Variants in ITGBL1 observed in about 807,000 individuals in gnomAD.
ITGBL1 encodes integrin beta-like protein 1.
In ITGBL1, 51 loss-of-function variants were observed where a neutral mutation model predicts 68.5. The ratio of observed to expected loss-of-function variants is 0.74; its 90% confidence interval spans 0.59 to 0.94. The LOEUF (loss-of-function observed/expected upper bound fraction) is 0.94. ITGBL1 is among the 40% of genes least tolerant of loss of function. The pLI is 0.00. For missense variants in ITGBL1, 649 were observed against 647.4 expected, an observed-to-expected ratio of 1.00 and a Z score of -0.03; for synonymous variants, 209 against 227.3, an observed-to-expected ratio of 0.92 and a Z score of 0.72.
rs116148583 is a variant in ITGBL1, at chr13:101,690,195, C to T, written c.1016-2390C>T. 4.3e-3 allele frequency among the ~76,000 whole-genome samples: 656 copies of T among 152,190 alleles called. 1 individual carries two copies. Among genetic ancestry groups the T allele is most frequent in the African/African-American group, 0.015 (618 of 41,534 alleles). ...TTTATCAGGAAAGAAAATGTGCCGA[C>T]GCCAGAATATTAACACTTTATTGTC... is the stretch of plus-strand genomic sequence containing the variant. On this transcript the variant is annotated intron_variant, in intron 7 of 10. Coordinates refer to ENST00000376180, the MANE Select transcript of ITGBL1 (RefSeq NM_004791.3).
chr13:101,635,342 A>G (rs2032135729), intron 7 of ITGBL1, among the ~76,000 whole-genome samples: 1 of 152,106 alleles, frequency 6.6e-6, no homozygotes. Flanking sequence ...TATCTGCATA[A>G]TAAACGAAAT....
intron 7 of ITGBL1, among the ~76,000 whole-genome samples, chr13:101,681,805 G>A (rs549672149): frequency 1.5e-4 from 23 of 151,808 alleles, no homozygotes; most frequent in Non-Finnish European, 2.7e-4. Flanking sequence ...TGTGTGTGTG[G>A]GTGTGCGCAT....
intron 6 of ITGBL1, among the ~76,000 whole-genome samples, chr13:101,595,156 A>T (rs1254078667): frequency 6.6e-6 from 1 of 152,182 alleles, no homozygotes; most frequent in African/African-American, 2.4e-5. Context: ...TACAGGAAGC[A>T]TGCCACCAGC....
intron 7 of ITGBL1, among the ~76,000 whole-genome samples, chr13:101,640,163 G>C (rs2032314952): frequency 1.3e-5 from 2 of 152,168 alleles, no homozygotes; most frequent in South Asian, 4.2e-4. Context: ...GTACACTATT[G>C]CTTTTGAGAA....
chr13:101,669,283 G>T (rs1475827597), intron 7 of ITGBL1, among the ~76,000 whole-genome samples: 1 of 151,914 alleles, frequency 6.6e-6, no homozygotes, highest in Non-Finnish European at 1.5e-5. Flanking sequence ...GTGTTTTTAG[G>T]TAAAGAAGTT....
chr13:101,679,188 G>A (rs2033581517), intron 7 of ITGBL1, among the ~76,000 whole-genome samples: 1 of 152,172 alleles, frequency 6.6e-6, no homozygotes, highest in Non-Finnish European at 1.5e-5. Context: ...TTACAGGCGT[G>A]AGCCACCGCG....
chr13:101,638,282 T>C, intron 7 of ITGBL1, among the ~76,000 whole-genome samples: 1 of 152,176 alleles, frequency 6.6e-6, no homozygotes, highest in Admixed American at 6.5e-5. Flanking sequence ...AGCATGTGCA[T>C]GACAAGTTGC....
At chr13:101,621,349 T>C (rs915242341) in intron 7 of ITGBL1, among the ~76,000 whole-genome samples, 5 of 152,272 alleles carry the variant, frequency 3.3e-5, no homozygotes, top group African/African-American at 1.2e-4. Flanking sequence ...GTGTTTCTAT[T>C]TCTGTTTATT....
intron 7 of ITGBL1, among the ~76,000 whole-genome samples, chr13:101,647,063 C>T (rs1041830493): frequency 6.6e-6 from 1 of 151,970 alleles, no homozygotes; most frequent in African/African-American, 2.4e-5. Context: ...CCATTTTAGA[C>T]AGTGAATCTA....
intron 7 of ITGBL1, among the ~76,000 whole-genome samples, chr13:101,616,208 G>C (rs1177053168): frequency 1.3e-5 from 2 of 152,168 alleles, no homozygotes; most frequent in Non-Finnish European, 1.5e-5. Flanking sequence ...TGCTCCTGGA[G>C]AAAGGGGGAA....
At chr13:101,605,661 T>C (rs2030766334) in intron 7 of ITGBL1, among the ~76,000 whole-genome samples, 1 of 151,702 alleles carries the variant, frequency 6.6e-6, no homozygotes, top group Admixed American at 6.6e-5. Flanking sequence ...TATGCACGTA[T>C]GTAGACATGT....
chr13:101,593,928 A>G (rs2050699735), intron 6 of ITGBL1, among the ~76,000 whole-genome samples: 1 of 152,104 alleles, frequency 6.6e-6, no homozygotes, highest in Non-Finnish European at 1.5e-5. Flanking sequence ...CCTTACCACA[A>G]ATGATAAATG....
intron 2 of ITGBL1, among the ~76,000 whole-genome samples, chr13:101,463,590 C>T (rs868747572): frequency 2.0e-5 from 3 of 152,228 alleles, no homozygotes; most frequent in Middle Eastern, 3.4e-3. Flanking sequence ...AACCTTTAGA[C>T]GTCTGCAGAC....
intron 2 of ITGBL1, among the ~76,000 whole-genome samples, chr13:101,480,096 G>GA (rs1224900450): frequency 1.3e-5 from 2 of 152,010 alleles, no homozygotes; most frequent in Non-Finnish European, 2.9e-5. Flanking sequence ...AACAGTTAAA[G>GA]AAAATGTGGT....
At chr13:101,672,956 G>A (rs764951412) in intron 7 of ITGBL1, among the ~76,000 whole-genome samples, 40 of 152,114 alleles carry the variant, frequency 2.6e-4, no homozygotes, top group Non-Finnish European at 4.4e-4. Context: ...TTCTAAACCC[G>A]CGTAGAATGA....
intron 2 of ITGBL1, among the ~76,000 whole-genome samples, chr13:101,542,864 G>T (rs1255698218): frequency 6.6e-6 from 1 of 152,120 alleles, no homozygotes; most frequent in Non-Finnish European, 1.5e-5. Context: ...TTTTATCAGA[G>T]ACTAGGATTG....
intron 2 of ITGBL1, among the ~76,000 whole-genome samples, chr13:101,455,230 C>T (rs919612221): frequency 1.3e-5 from 2 of 152,128 alleles, no homozygotes; most frequent in African/African-American, 2.4e-5. Context: ...ATTTTTTTCT[C>T]GGAACCTGGG....
At chr13:101,669,606 A>G (rs769876330) in intron 7 of ITGBL1, among the ~76,000 whole-genome samples, 2 of 152,190 alleles carry the variant, frequency 1.3e-5, no homozygotes, top group Non-Finnish European at 2.9e-5. Context: ...AAAGCAACAC[A>G]GTTTTCTTGG....
At chr13:101,456,567 T>C (rs2048246964) in intron 2 of ITGBL1, among the ~76,000 whole-genome samples, 1 of 152,182 alleles carries the variant, frequency 6.6e-6, no homozygotes, top group Non-Finnish European at 1.5e-5. Context: ...CTCCAACTTC[T>C]AAGAAGAAAA....
Sources: gnomAD v4.1 joint callset for allele counts (sites outside exome capture counted in the v4.1 genomes callset) on GRCh38, gnomAD v4.1.1 for gene constraint, MANE v1.5 for transcripts, NCBI Gene and HGNC (gene_info 2026-07-23, HGNC 2026-07-21) for gene names.